Variants in PGM1 observed in about 807,000 individuals in gnomAD.
PGM1 encodes phosphoglucomutase 1.
Under a neutral mutation model 55.6 loss-of-function variants are expected in PGM1, and 52 were observed. The observed-to-expected ratio is 0.94, with a 90% confidence interval of 0.75 to 1.18. PGM1 has a LOEUF of 1.18. Ranked by LOEUF, PGM1 falls within the 50% of genes most tolerant of loss-of-function variation. The probability of loss-of-function intolerance (pLI) is 0.00; values close to 1 mark genes in which losing one functional copy is unlikely to be tolerated. For missense variants in PGM1, 724 were observed against 729.3 expected (o/e 0.99, Z 0.08); for synonymous variants, 287 against 271.7 (o/e 1.06, Z -0.55).
chr1:63,615,147 C>A (rs965611734), intron 1 of PGM1, among the ~76,000 whole-genome samples: 1 of 152,156 alleles, frequency 6.6e-6, no homozygotes, highest in African/African-American at 2.4e-5. Flanking sequence ...ACAGATAAAC[C>A]CATTGCATCT....
At chr1:63,620,092 A>G in intron 1 of PGM1, among the ~76,000 whole-genome samples, 1 of 152,176 alleles carries the variant, frequency 6.6e-6, no homozygotes, top group East Asian at 1.9e-4. Context: ...TTTCTGAACA[A>G]ACTTCAGAGC....
chr1:63,648,396 C>G, intron 7 of PGM1, 121 bp from the exon 8 acceptor site: 1 of 1,043,348 alleles, frequency 9.6e-7, no homozygotes, highest in Non-Finnish European at 1.5e-6. Flanking sequence ...AATCACTTCC[C>G]ATCACGTCCC....
intron 1 of PGM1, chr1:63,623,126 C>A: frequency 1.2e-6 from 1 of 836,664 alleles, no homozygotes; most frequent in Non-Finnish European, 1.5e-6. Flanking sequence ...ATGCAGCACT[C>A]CTTGGAGCTA....
intron 1 of PGM1, among the ~76,000 whole-genome samples, chr1:63,603,024 A>G (rs1389785909): frequency 1.3e-5 from 2 of 152,192 alleles, no homozygotes; most frequent in Non-Finnish European, 2.9e-5. Context: ...GCAGAGAGGA[A>G]TGTTCCAGGC....
chr1:63,593,755 C>T (rs773083978), intron 1 of PGM1, 21 bp downstream of exon 1: 24 of 1,574,300 alleles, frequency 1.5e-5, no homozygotes, highest in African/African-American at 1.1e-4. Flanking sequence ...CGCGGCCCCG[C>T]GCCGCTGTGC....
chr1:63,606,727 A>C (rs762124828), intron 1 of PGM1, among the ~76,000 whole-genome samples: 3 of 152,244 alleles, frequency 2.0e-5, no homozygotes, highest in African/African-American at 7.2e-5. Context: ...AACCAAATGA[A>C]ACAGAGAATT....
chr1:63,647,338 A>C (rs1649685081), intron 7 of PGM1, among the ~76,000 whole-genome samples: 1 of 134,988 alleles, frequency 7.4e-6, no homozygotes, highest in South Asian at 2.3e-4. Context: ...AGTGCTATCC[A>C]CTTTTAAACA....
At chr1:63,637,170 T>A (rs992161003) in intron 6 of PGM1, among the ~76,000 whole-genome samples, 1 of 152,254 alleles carries the variant, frequency 6.6e-6, no homozygotes, top group Admixed American at 6.5e-5. Flanking sequence ...TCTAGGCTCT[T>A]ATAATAATAG....
intron 1 of PGM1, among the ~76,000 whole-genome samples, chr1:63,619,895 A>T (rs953284060): frequency 2.6e-5 from 4 of 152,226 alleles, no homozygotes; most frequent in Non-Finnish European, 4.4e-5. Flanking sequence ...GTATCTTTAC[A>T]TCATTTTCCA....
intron 2 of PGM1, 21 bp downstream of exon 2, chr1:63,629,608 A>T: frequency 6.2e-7 from 1 of 1,610,082 alleles, no homozygotes; most frequent in Non-Finnish European, 8.5e-7. Context: ...TGTCATTTTG[A>T]GGACAGGTAA....
chr1:63,617,507 G>A (rs1226449897), intron 1 of PGM1, among the ~76,000 whole-genome samples: 5 of 151,898 alleles, frequency 3.3e-5, no homozygotes, highest in Non-Finnish European at 7.4e-5. Flanking sequence ...AGGAGTTCGA[G>A]ACCAGCCTGT....
intron 1 of PGM1, among the ~76,000 whole-genome samples, chr1:63,613,212 G>T (rs1239403997): frequency 6.7e-6 from 1 of 149,032 alleles, no homozygotes; most frequent in South Asian, 2.1e-4. Flanking sequence ...TACCCAGACT[G>T]CCTGTCACTC....
chr1:63,596,472 G>C (rs970343553), intron 1 of PGM1, among the ~76,000 whole-genome samples: 3 of 151,842 alleles, frequency 2.0e-5, no homozygotes, highest in African/African-American at 7.3e-5. Flanking sequence ...GGCCAGGCTG[G>C]TCTCGAACTT....
At chr1:63,609,325 A>G (rs531600245) in intron 1 of PGM1, among the ~76,000 whole-genome samples, 9 of 152,358 alleles carry the variant, frequency 5.9e-5, no homozygotes, top group Non-Finnish European at 1.0e-4. Flanking sequence ...CAAGAAATGT[A>G]TGCTGGCATT....
intron 7 of PGM1, among the ~76,000 whole-genome samples, chr1:63,640,853 T>A (rs1423560284): frequency 6.6e-6 from 1 of 152,198 alleles, no homozygotes; most frequent in Non-Finnish European, 1.5e-5. Context: ...AGTTTGCCAG[T>A]GCCACTCTTA....
intron 10 of PGM1, among the ~76,000 whole-genome samples, chr1:63,657,540 A>G (rs1432538956): frequency 1.3e-5 from 2 of 152,218 alleles, no homozygotes; most frequent in Non-Finnish European, 2.9e-5. Context: ...TAGTTTAGTA[A>G]TGTTGTACAT....
chr1:63,598,582 G>A (rs1444412737), intron 1 of PGM1, among the ~76,000 whole-genome samples: 2 of 152,156 alleles, frequency 1.3e-5, no homozygotes, highest in Admixed American at 1.3e-4. Flanking sequence ...AGTAGCAGTA[G>A]TAGTAATAAT....
At chr1:63,620,359 C>G (rs1648849482) in intron 1 of PGM1, among the ~76,000 whole-genome samples, 1 of 152,210 alleles carries the variant, frequency 6.6e-6, no homozygotes, top group African/African-American at 2.4e-5. Context: ...CTGCAGCCAT[C>G]ACAAGCATAG....
At chr1:63,631,016 T>C (rs1570495337) in intron 3 of PGM1, among the ~76,000 whole-genome samples, 2 of 152,222 alleles carry the variant, frequency 1.3e-5, no homozygotes, top group Non-Finnish European at 2.9e-5. Context: ...AAATTCTTCA[T>C]ATTTTGAAAA....
Sources: gnomAD v4.1 joint callset for allele counts (sites outside exome capture counted in the v4.1 genomes callset) on GRCh38, gnomAD v4.1.1 for gene constraint, MANE v1.5 for transcripts, NCBI Gene and HGNC (gene_info 2026-07-23, HGNC 2026-07-21) for gene names.